BYSL: variants seen among roughly 807,000 people sequenced by gnomAD.
BYSL encodes bystin like.
A neutral mutation model predicts 45.4 loss-of-function variants in BYSL; 21 were observed. That is an observed-to-expected ratio of 0.46 (90% CI 0.33 to 0.67). The LOEUF (loss-of-function observed/expected upper bound fraction) is 0.67. BYSL is among the 30% of genes least tolerant of loss of function. BYSL has a pLI of 0.02. For missense variants in BYSL, 522 were observed against 578.5 expected, an observed-to-expected ratio of 0.90 and a Z score of 1.00; for synonymous variants, 215 against 231.3, an observed-to-expected ratio of 0.93 and a Z score of 0.64.
rs1775582772 is a variant in BYSL, at chr6:41,927,644, G to C, written c.431+108G>C. The C allele has an allele frequency of 1.1e-5, 16 of 1,399,724 alleles. 1 individual carries two copies. In the South Asian group the frequency reaches 2.2e-4, roughly 19 times the overall value. The allele number at this position is 1,399,724 out of a possible 1,614,324, so 86.7% of individuals were successfully genotyped here. A position where few individuals can be genotyped will look rare whatever the true frequency, so the allele number is the denominator to read the frequency against. On this transcript the variant is annotated intron_variant, in intron 2 of 6. Transcript: ENST00000230340. ...TACCTTTGGAAAGGGCCCTGGAGTT[G>C]CTAGCTGTAGGGGACCACCTTGACA...
At chr6:41,913,933 T>C in the BYSL span, among the ~76,000 whole-genome samples, 1 of 152,202 alleles carries the variant, frequency 6.6e-6, no homozygotes, top group African/African-American at 2.4e-5. Flanking sequence ...CAGTTCTAAA[T>C]GCTTTGTATG....
At chr6:41,910,288 C>T in the BYSL span, among the ~76,000 whole-genome samples, 1 of 152,140 alleles carries the variant, frequency 6.6e-6, no homozygotes, top group Non-Finnish European at 1.5e-5. Flanking sequence ...TTTCCATAGG[C>T]TATTTGCAAT....
chr6:41,932,148 C>T lies in BYSL; in HGVS notation c.969-213C>T, dbSNP rs933826884. Reference sequence around the variant, plus strand: ...TGGTTACTGAAACAAGCAGTCTATGCTAGAGATAGAGATTTGGGTGGATCC... The same window carrying T: ...TGGTTACTGAAACAAGCAGTCTATGTTAGAGATAGAGATTTGGGTGGATCC... On this transcript the variant is annotated intron_variant, in intron 6 of 6. Coordinates refer to ENST00000230340, the MANE Select transcript of BYSL (RefSeq NM_004053.4). This position sits in a 1 kb window ranked among gnomAD's most constrained non-coding sequence, Gnocchi z 4.7. Among the ~76,000 whole-genome samples the T allele has an allele frequency of 6.6e-6, 1 of 152,012 alleles. No homozygotes were observed. Among genetic ancestry groups the T allele is most frequent in the African/African-American group, 2.4e-5 (1 of 41,348 alleles).
chr6:41,927,180 G>T (rs1478857463), intron 1 of BYSL, among the ~76,000 whole-genome samples, 194 bp from the exon 2 acceptor site: 1 of 151,818 alleles, frequency 6.6e-6, no homozygotes, highest in Non-Finnish European at 1.5e-5. Flanking sequence ...ATTGTTTCCT[G>T]TATATACATT....
chr6:41,930,797 G>A (rs751785175), intron 4 of BYSL, 29 bp downstream of exon 4: 1 of 1,599,738 alleles, frequency 6.3e-7, no homozygotes, highest in Non-Finnish European at 8.5e-7. Context: ...CGGGGGCCTT[G>A]GGTTTATAGG....
chr6:41,927,560 T>C, intron 2 of BYSL, 24 bp downstream of exon 2: 1 of 1,611,290 alleles, frequency 6.2e-7, no homozygotes, highest in South Asian at 1.1e-5. Context: ...TTTGGGATAA[T>C]GAGTCCTTGT....
chr6:41,908,843 G>A, the BYSL span: 4 of 193,624 alleles, frequency 2.1e-5, no homozygotes, highest in Admixed American at 5.9e-5. Flanking sequence ...AGGAAGCATA[G>A]ATGCCTTGGA....
At chr6:41,910,662 A>C in the BYSL span, among the ~76,000 whole-genome samples, 1 of 151,656 alleles carries the variant, frequency 6.6e-6, no homozygotes, top group Non-Finnish European at 1.5e-5. Context: ...AAAGGTAAAA[A>C]CTGGAAAGCA....
intron 1 of BYSL, among the ~76,000 whole-genome samples, chr6:41,924,130 G>C (rs1040722691): frequency 6.7e-6 from 1 of 149,940 alleles, no homozygotes; most frequent in Non-Finnish European, 1.5e-5. Flanking sequence ...CCACGATCTC[G>C]GCTCACTGCA....
chr6:41,918,627 C>T (rs1561940417), upstream of BYSL, among the ~76,000 whole-genome samples: 1 of 151,646 alleles, frequency 6.6e-6, no homozygotes, highest in Non-Finnish European at 1.5e-5. Flanking sequence ...TCCTGGCTAA[C>T]ACGGTGAAAC....
Position 41,929,896 on chromosome 6 carries a change from C to T in BYSL, c.432-236C>T, listed in dbSNP as rs190658116. Among the ~76,000 whole-genome samples the T allele has an allele frequency of 2.0e-4, 30 of 152,320 alleles. No homozygotes were observed. In the East Asian group the frequency reaches 5.2e-3, roughly 26 times the overall value. Reference sequence around the variant, plus strand: ...CAGAGTTGAGGTTCATAATAACCTCCGTACAACTGCTAGCTTTGTCCTAAA... The same window carrying T: ...CAGAGTTGAGGTTCATAATAACCTCTGTACAACTGCTAGCTTTGTCCTAAA... On this transcript the variant is annotated intron_variant, in intron 2 of 6. Transcript: ENST00000230340.
chr6:41,918,590 G>A (rs1249677080), upstream of BYSL, among the ~76,000 whole-genome samples: 2 of 151,862 alleles, frequency 1.3e-5, no homozygotes, highest in Non-Finnish European at 2.9e-5. Flanking sequence ...AAGGCGGGCA[G>A]ATCACGAGGT....
At chr6:41,915,773 C>G in the BYSL span, among the ~76,000 whole-genome samples, 4 of 151,386 alleles carry the variant, frequency 2.6e-5, no homozygotes, top group Non-Finnish European at 5.9e-5. Flanking sequence ...GGCGACAGAG[C>G]CAGACTCCGT....
Position 41,927,432 on chromosome 6 carries a change from G to A in BYSL, c.327G>A (p.Glu109=), listed in dbSNP as rs1354457481. Residue 109 remains glutamate (E), a synonymous_variant, in exon 2 of 7, where the codon GAG becomes GAA. Coordinates refer to ENST00000230340, the MANE Select transcript of BYSL (RefSeq NM_004053.4). ...DDEDEEWPTL[E]KAATMTAAGH... is the part of the protein sequence containing the mutation. Reference sequence around the variant, plus strand: ...AGGACGAGGAGTGGCCCACCCTGGAGAAGGCTGCCACAATGACAGCAGCGG... The same window carrying A: ...AGGACGAGGAGTGGCCCACCCTGGAAAAGGCTGCCACAATGACAGCAGCGG... 1.2e-6 allele frequency: 2 copies of A among 1,614,090 alleles called. No individual in the cohort carries two copies. The highest frequency in any genetic ancestry group is 1.7e-6 in the Non-Finnish European group (2 of 1,180,034).
the BYSL span, chr6:41,909,540 C>A: frequency 6.2e-7 from 1 of 1,609,728 alleles, no homozygotes; most frequent in Non-Finnish European, 8.5e-7. Context: ...GGACAGAGAT[C>A]CTATTCATCA....
At position 41,927,493 on chromosome 6, in the gene BYSL, G is replaced by A. The variant is rs1462414120; in HGVS notation, c.388G>A (p.Glu130Lys). Residue 130 changes from glutamate (E) to lysine (K), a missense_variant, in exon 2 of 7, where the codon GAG (glutamate) becomes AAG (lysine). Transcript: ENST00000230340. ...HAEVVVDPED[E>K]RAIEMFMNKN... ...AGAGGTGGTTGTGGACCCTGAGGAT[G>A]AGCGTGCCATAGAGATGTTCATGAA... is the stretch of plus-strand genomic sequence containing the variant. 3 of 1,614,090 alleles carry A rather than the reference G, an allele frequency of 1.9e-6. No homozygotes were observed. The East Asian group carries it at 6.7e-5, about 36-fold the overall frequency.
At chr6:41,915,108 C>T in the BYSL span, among the ~76,000 whole-genome samples, 2 of 152,174 alleles carry the variant, frequency 1.3e-5, no homozygotes, top group Admixed American at 6.5e-5. Flanking sequence ...AGAAACACTG[C>T]TTTTAGAAAC....
upstream of BYSL, among the ~76,000 whole-genome samples, chr6:41,919,967 T>C (rs1351891559): frequency 2.0e-5 from 3 of 152,190 alleles, no homozygotes; most frequent in East Asian, 5.8e-4. Flanking sequence ...TGCTTTTGTA[T>C]GAGAAGCCTA....
intron 2 of BYSL, 116 bp downstream of exon 2, chr6:41,927,652 T>G: frequency 7.6e-7 from 1 of 1,311,498 alleles, no homozygotes; most frequent in South Asian, 1.4e-5. Context: ...TTGCTAGCTG[T>G]AGGGGACCAC....
Sources: gnomAD v4.1 joint callset for allele counts (sites outside exome capture counted in the v4.1 genomes callset) on GRCh38, gnomAD v4.1.1 for gene constraint, Gnocchi (gnomAD v3.1) non-coding constraint, MANE v1.5 for transcripts, NCBI Gene and HGNC (gene_info 2026-07-23, HGNC 2026-07-21) for gene names.